Variants in PDE3B observed in about 807,000 individuals in gnomAD.
PDE3B encodes the protein phosphodiesterase 3B.
Under a neutral mutation model 116.8 loss-of-function variants are expected in PDE3B, and 66 were observed. The observed-to-expected ratio is 0.56, with a 90% CI of 0.46 to 0.69. PDE3B has a LOEUF of 0.69. PDE3B is among the 30% of genes least tolerant of loss of function. PDE3B has a pLI of 0.00. For synonymous variants in PDE3B, 595 were observed against 533.6 expected (o/e 1.12, Z -1.59); for missense variants, 1,384 against 1,368.1 (o/e 1.01, Z -0.18).
At chr11:14,841,490 T>C (rs1355201273) in intron 11 of PDE3B, among the ~76,000 whole-genome samples, 2 of 150,238 alleles carry the variant, frequency 1.3e-5, no homozygotes, top group Non-Finnish European at 3.0e-5. Flanking sequence ...TGATCTCTTA[T>C]CTTATAGCGA....
intron 1 of PDE3B, among the ~76,000 whole-genome samples, chr11:14,666,456 T>C (rs1241113162): frequency 4.4e-4 from 67 of 150,574 alleles, no homozygotes; most frequent in African/African-American, 1.5e-3. Context: ...ACTCAAGAGC[T>C]TCTGCACAGC....
intron 1 of PDE3B, among the ~76,000 whole-genome samples, chr11:14,664,362 A>G (rs1400387235): frequency 6.6e-6 from 1 of 152,100 alleles, no homozygotes; most frequent in Non-Finnish European, 1.5e-5. Context: ...AAGAACTAGA[A>G]AAGCAAGAGC....
intron 1 of PDE3B, among the ~76,000 whole-genome samples, chr11:14,693,930 A>C (rs887312594): frequency 2.0e-5 from 3 of 152,178 alleles, no homozygotes; most frequent in Non-Finnish European, 4.4e-5. Context: ...AGATGCCCTT[A>C]AGAACATTTG....
intron 4 of PDE3B, among the ~76,000 whole-genome samples, chr11:14,799,782 CA>C (rs1858686575): frequency 1.7e-5 from 2 of 119,962 alleles, no homozygotes; most frequent in African/African-American, 6.4e-5. Context: ...TTTTGCTTTC[CA>C]TTTTCTTGGT....
At chr11:14,666,279 A>G (rs1398690143) in intron 1 of PDE3B, among the ~76,000 whole-genome samples, 44 of 149,058 alleles carry the variant, frequency 3.0e-4, no homozygotes, top group Non-Finnish European at 5.0e-4. Context: ...TACAAAAATT[A>G]ATTCAAGATG....
chr11:14,836,209 T>A (rs922164625), intron 11 of PDE3B, among the ~76,000 whole-genome samples: 10 of 152,202 alleles, frequency 6.6e-5, no homozygotes, highest in African/African-American at 2.4e-4. Flanking sequence ...TTAGCTGTCA[T>A]TTTGTCTTAG....
chr11:14,644,547 C>T lies in PDE3B; in HGVS notation c.472C>T (p.Pro158Ser). 6.2e-7 allele frequency: 1 copy of T among 1,601,046 alleles called. No homozygotes were observed. The highest frequency in any genetic ancestry group is 8.5e-7 in the Non-Finnish European group (1 of 1,173,930). The change falls in exon 1 of 16, where the codon CCC becomes TCC. Residue 158 changes from proline to serine, a missense_variant. By Grantham distance (74) the Pro-to-Ser change is moderately conservative (BLOSUM62 -1). Around this residue, in one of 2 missense-constraint regions of PDE3B, gnomAD observed 956 missense variants for 806.8 expected, o/e 1.18. Transcript: ENST00000282096. ...CGGCTCCTGGTGGCTGCTGGCGCTG[C>T]CCGCCTGCTGTTACCTGGGGGACTT... ...SCGSWWLLAL[P>S]ACCYLGDFLV...
At chr11:14,898,911 G>A in the PDE3B span, among the ~76,000 whole-genome samples, 1 of 151,650 alleles carries the variant, frequency 6.6e-6, no homozygotes, top group Non-Finnish European at 1.5e-5. Flanking sequence ...ATAATACCCC[G>A]ACATATATGT....
chr11:14,762,734 G>C (rs994869127), intron 1 of PDE3B, among the ~76,000 whole-genome samples: 1 of 152,236 alleles, frequency 6.6e-6, no homozygotes, highest in African/African-American at 2.4e-5. Flanking sequence ...TTAGGCTAGA[G>C]TGGGAGCAAT....
At chr11:14,781,984 G>A (rs1406758367) in intron 2 of PDE3B, among the ~76,000 whole-genome samples, 1 of 152,190 alleles carries the variant, frequency 6.6e-6, no homozygotes, top group East Asian at 1.9e-4. Flanking sequence ...CAAAAGCAAT[G>A]TGCAGAAATC....
intron 1 of PDE3B, among the ~76,000 whole-genome samples, chr11:14,694,823 C>T (rs1370798952): frequency 6.6e-6 from 1 of 152,082 alleles, no homozygotes; most frequent in Non-Finnish European, 1.5e-5. Context: ...AAATACCTTT[C>T]TTTTCTGTAG....
intron 5 of PDE3B, among the ~76,000 whole-genome samples, chr11:14,817,948 A>G (rs1207415812): frequency 6.6e-6 from 1 of 152,128 alleles, no homozygotes; most frequent in East Asian, 1.9e-4. Flanking sequence ...ATAAATGTAG[A>G]TATTTACCCA....
At chr11:14,749,447 T>C (rs962065873) in intron 1 of PDE3B, among the ~76,000 whole-genome samples, 2 of 152,138 alleles carry the variant, frequency 1.3e-5, no homozygotes, top group Non-Finnish European at 2.9e-5. Context: ...CAAATAGTTA[T>C]ACTGAATCAA....
At chr11:14,834,911 G>T in intron 10 of PDE3B, 71 bp from the exon 11 acceptor site, 1 of 740,660 alleles carries the variant, frequency 1.4e-6, no homozygotes, top group South Asian at 1.9e-5. Context: ...GATATAGTAT[G>T]ACTAGGAAAT....
intron 5 of PDE3B, among the ~76,000 whole-genome samples, chr11:14,811,416 A>C (rs1311130859): frequency 2.6e-5 from 4 of 152,198 alleles, no homozygotes; most frequent in Non-Finnish European, 5.9e-5. Flanking sequence ...CACCATATTA[A>C]ATAGGGAATC....
At chr11:14,778,443 G>A (rs1324633078) in intron 2 of PDE3B, among the ~76,000 whole-genome samples, 1 of 152,170 alleles carries the variant, frequency 6.6e-6, no homozygotes, top group Admixed American at 6.5e-5. Flanking sequence ...GCCTCATACG[G>A]CCGGGCGCCC....
chr11:14,773,159 T>G (rs1857693076), intron 2 of PDE3B: 1 of 152,016 alleles, frequency 6.6e-6, no homozygotes. Flanking sequence ...TTTTTTTCTC[T>G]TAAGTTATGA....
chr11:14,823,579 C>T (rs141302552), intron 7 of PDE3B, among the ~76,000 whole-genome samples: 4 of 152,186 alleles, frequency 2.6e-5, no homozygotes, highest in Admixed American at 2.6e-4. Context: ...TGGGTGGGAC[C>T]TCCCAACTAG....
At chr11:14,806,319 G>A (rs1858923079) in intron 5 of PDE3B, among the ~76,000 whole-genome samples, 1 of 151,342 alleles carries the variant, frequency 6.6e-6, no homozygotes, top group South Asian at 2.1e-4. Flanking sequence ...GTGGTGGCAG[G>A]CACCTGTAGT....
Sources: allele counts gnomAD v4.1 joint callset (sites outside exome capture counted in the v4.1 genomes callset), GRCh38; gene constraint gnomAD v4.1.1; regional missense constraint gnomAD v4.1.1; transcripts MANE v1.5; gene names NCBI Gene and HGNC (gene_info 2026-07-23, HGNC 2026-07-21).